Variants in FMN2 observed in about 807,000 individuals in gnomAD.
The protein encoded by FMN2 is formin 2, also known as formin-2.
A neutral mutation model predicts 142.3 loss-of-function variants in FMN2; 51 were observed. The ratio of observed to expected loss-of-function variants is 0.36; its 90% CI spans 0.29 to 0.45. The LOEUF is 0.45. Ranked by LOEUF, FMN2 falls within the 20% of genes least tolerant of loss-of-function variation. The pLI is 1.00. For missense variants in FMN2, 1,936 were observed against 2,122.8 expected (o/e 0.91, Z 1.73); for synonymous variants, 882 against 869.8 (o/e 1.01, Z -0.25).
At chr1:240,432,236 CTGT>C (rs1675202798) in intron 15 of FMN2, among the ~76,000 whole-genome samples, 1 of 151,830 alleles carries the variant, frequency 6.6e-6, no homozygotes, top group African/African-American at 2.4e-5. Context: ...TTAGAAAGTT[CTGT>C]TGTTTAAGTA....
In FMN2 at chr1:240,300,875, C is replaced by A. The variant is rs78271932; in HGVS notation, c.4215+5992C>A. 3.4e-3 allele frequency among the ~76,000 whole-genome samples: 494 copies of A among 144,742 alleles called. 11 individuals carry two copies. The East Asian group carries it at 0.074, about 22-fold the overall frequency. The allele number at this position is 144,742 out of a possible 152,430, so 95.0% of individuals were successfully genotyped here. A position where few individuals can be genotyped will look rare whatever the true frequency, so the allele number is the denominator to read the frequency against. On this transcript the variant is annotated intron_variant, in intron 8 of 17. Coordinates refer to ENST00000319653, the MANE Select transcript of FMN2 (RefSeq NM_020066.5). Reference sequence around the variant, plus strand: ...CTGATATTTAAATAGCTATTCTATTCTTTTGATACTTACTGTGTGCATGTT... The same window carrying A: ...CTGATATTTAAATAGCTATTCTATTATTTTGATACTTACTGTGTGCATGTT...
Position 240,093,641 on chromosome 1 carries a change from G to A in FMN2, c.1532G>A (p.Ser511Asn). Residue 511 changes from serine to asparagine, a missense_variant, in exon 1 of 18, where the codon AGC becomes AAC. Transcript: ENST00000319653. The stretch of plus-strand genomic sequence containing the variant: ...CTGGAGCGCGGGGTGGCGAGTGACA[G>A]CGGCGGTGGGGTGTCCCCAGCACTG... ...HLLERGVASDSGGGVSPALAA... is the reference protein window; with the variant it reads ...HLLERGVASDNGGGVSPALAA... The A allele has an allele frequency of 7.0e-7, 1 of 1,421,472 alleles. No homozygotes were observed. The highest frequency in any genetic ancestry group is 9.1e-7 in the Non-Finnish European group (1 of 1,099,900). 88.1% of individuals were successfully genotyped at this position (1,421,472 alleles called of 1,614,324 possible).
intron 6 of FMN2, among the ~76,000 whole-genome samples, chr1:240,234,182 G>A (rs570559447): frequency 1.1e-4 from 17 of 151,994 alleles, no homozygotes; most frequent in South Asian, 1.0e-3. Flanking sequence ...GGGACAAAGC[G>A]GAAAAGAAAA....
chr1:240,271,098 G>GTTTTGTTTTTTTTTTTTTTTTTTTT (rs1668991667), intron 7 of FMN2, among the ~76,000 whole-genome samples: 1 of 72,244 alleles, frequency 1.4e-5, no homozygotes, highest in East Asian at 4.7e-4. Context: ...TTCCACGATG[G>GTTTTGTTTTTTTTTTTTTTTTTTTT]TTTTTTTTTT....
At chr1:240,251,969 C>T (rs186490011) in intron 6 of FMN2, among the ~76,000 whole-genome samples, 4 of 152,228 alleles carry the variant, frequency 2.6e-5, no homozygotes, top group Middle Eastern at 3.4e-3. Flanking sequence ...AGGGCAGTGA[C>T]GCTATCTCGG....
chr1:240,171,450 G>A (rs1194870279), intron 2 of FMN2, among the ~76,000 whole-genome samples: 1 of 152,148 alleles, frequency 6.6e-6, no homozygotes, highest in African/African-American at 2.4e-5. Context: ...GGATAATTCA[G>A]TCATGGACTG....
intron 4 of FMN2, among the ~76,000 whole-genome samples, chr1:240,195,275 C>A (rs943760030): frequency 4.6e-5 from 7 of 152,186 alleles, no homozygotes; most frequent in African/African-American, 1.7e-4. Flanking sequence ...TGAAGCTCTG[C>A]TTTCTTCTTT....
chr1:240,386,954 C>T (rs146350799), intron 14 of FMN2, among the ~76,000 whole-genome samples: 210 of 152,282 alleles, frequency 1.4e-3, no homozygotes, highest in African/African-American at 4.5e-3. Context: ...GTTCCAAGTA[C>T]AGGCTTTCTT....
intron 16 of FMN2, among the ~76,000 whole-genome samples, chr1:240,467,448 A>G (rs1250365560): frequency 6.6e-6 from 1 of 151,984 alleles, no homozygotes; most frequent in African/African-American, 2.4e-5. Context: ...TTGTATTTTT[A>G]GTAGAGATGG....
At chr1:240,166,235 A>C (rs1558332334) in intron 2 of FMN2, among the ~76,000 whole-genome samples, 1 of 151,250 alleles carries the variant, frequency 6.6e-6, no homozygotes, top group Non-Finnish European at 1.5e-5. Context: ...TATTATTATT[A>C]ATTTTTTTTT....
chr1:240,316,175 A>G (rs1258889908), intron 8 of FMN2, among the ~76,000 whole-genome samples: 2 of 152,200 alleles, frequency 1.3e-5, no homozygotes, highest in Non-Finnish European at 2.9e-5. Context: ...CCAAATAATT[A>G]AAACCTATTG....
intron 2 of FMN2, chr1:240,170,194 A>G (rs774820448): frequency 1.6e-6 from 2 of 1,214,326 alleles, no homozygotes; most frequent in Non-Finnish European, 2.4e-6. Context: ...TATCAAGTGC[A>G]AGGCTGCAGT....
At chr1:240,248,786 G>T (rs1474721883) in intron 6 of FMN2, among the ~76,000 whole-genome samples, 2 of 151,834 alleles carry the variant, frequency 1.3e-5, no homozygotes, top group South Asian at 4.2e-4. Flanking sequence ...ATATCTCATT[G>T]TGTTTGATTT....
At chr1:240,209,920 G>GTAAA (rs551517577) in intron 5 of FMN2, among the ~76,000 whole-genome samples, 31 of 151,412 alleles carry the variant, frequency 2.0e-4, no homozygotes, top group Admixed American at 3.3e-4. Context: ...AAGTAAGTAA[G>GTAAA]TAAATAAATA....
At chr1:240,129,057 A>G (rs1172097460) in intron 2 of FMN2, among the ~76,000 whole-genome samples, 1 of 151,940 alleles carries the variant, frequency 6.6e-6, no homozygotes, top group Non-Finnish European at 1.5e-5. Context: ...TATTTTTAGT[A>G]GTGACGAGGT....
intron 4 of FMN2, among the ~76,000 whole-genome samples, chr1:240,195,947 G>A (rs2103362041): frequency 6.6e-6 from 1 of 152,328 alleles, no homozygotes; most frequent in South Asian, 2.1e-4. Context: ...GGTCAAGGCT[G>A]CAGTGAGCTA....
chr1:240,434,932 G>C (rs952998030), intron 15 of FMN2, among the ~76,000 whole-genome samples: 1 of 151,774 alleles, frequency 6.6e-6, no homozygotes, highest in South Asian at 2.1e-4. Context: ...GTGATCCTCA[G>C]ATAATTCTTC....
intron 7 of FMN2, among the ~76,000 whole-genome samples, chr1:240,270,173 A>C (rs1046895741): frequency 2.0e-5 from 3 of 152,080 alleles, no homozygotes; most frequent in Non-Finnish European, 4.4e-5. Flanking sequence ...GGCTTATCAT[A>C]TATGGCCTTT....
At chr1:240,455,890 G>T (rs1676223163) in intron 16 of FMN2, among the ~76,000 whole-genome samples, 1 of 152,000 alleles carries the variant, frequency 6.6e-6, no homozygotes, top group Non-Finnish European at 1.5e-5. Context: ...CAGGAGATTT[G>T]CTTGAACCCA....
Sources: gnomAD v4.1 joint callset for allele counts (sites outside exome capture counted in the v4.1 genomes callset) on GRCh38, gnomAD v4.1.1 for gene constraint, MANE v1.5 for transcripts, NCBI Gene and HGNC (gene_info 2026-07-23, HGNC 2026-07-21) for gene names.